MATN2: variants seen among roughly 807,000 people sequenced by gnomAD.
MATN2 encodes the protein matrilin 2.
In MATN2, 69 loss-of-function variants were observed where a neutral mutation model predicts 103.2. The ratio of observed to expected loss-of-function variants is 0.67; its 90% CI spans 0.55 to 0.82. MATN2 has a LOEUF of 0.82. Among genes scored for constraint, MATN2 ranks in the 40% least tolerant of loss-of-function variants. The probability of loss-of-function intolerance (pLI) is 0.00; values close to 1 mark genes in which losing one functional copy is unlikely to be tolerated. For synonymous variants in MATN2, 429 were observed against 450.2 expected (o/e 0.95, Z 0.60); for missense variants, 1,023 against 1,211.5 (o/e 0.84, Z 2.31).
chr8:97,934,522 C>T, intron 3 of MATN2, among the ~76,000 whole-genome samples: 1 of 152,228 alleles, frequency 6.6e-6, no homozygotes, highest in East Asian at 1.9e-4. Flanking sequence ...GTTCCTTAAA[C>T]ATTCATTGAA....
chr8:98,002,278 C>T lies in MATN2; in HGVS notation c.1205-1383C>T, dbSNP rs555717882. On this transcript the variant is annotated intron_variant, in intron 7 of 18. Transcript: ENST00000254898. The stretch of plus-strand genomic sequence containing the variant: ...GTGACCTTACCATAGGACAGAATTG[C>T]AGTAGCCTGGGGCAGCATCAGAGAT... 8.5e-4 allele frequency among the ~76,000 whole-genome samples: 129 copies of T among 152,320 alleles called. 1 individual carries two copies. Among genetic ancestry groups the T allele is most frequent in the Non-Finnish European group, 1.3e-3 (90 of 68,026 alleles).
chr8:97,929,600 T>A (rs1680566126), intron 2 of MATN2, among the ~76,000 whole-genome samples: 1 of 152,206 alleles, frequency 6.6e-6, no homozygotes, highest in Non-Finnish European at 1.5e-5. Flanking sequence ...ACCTTTACAG[T>A]CTTCTTGCTT....
intron 1 of MATN2, among the ~76,000 whole-genome samples, chr8:97,876,925 C>T (rs4360265): frequency 0.36 from 53,811 of 151,312 alleles, 10,829 homozygotes; most frequent in Non-Finnish European, 0.45. Context: ...TTTATTGCTG[C>T]GTAATATCCC....
chr8:97,942,583 G>A (rs191547856), intron 4 of MATN2, among the ~76,000 whole-genome samples: 81 of 152,300 alleles, frequency 5.3e-4, no homozygotes, highest in African/African-American at 1.8e-3. Context: ...AAGCCACTGA[G>A]TTAACCTACA....
chr8:97,990,679 A>C (rs1563711651), intron 6 of MATN2, among the ~76,000 whole-genome samples: 1 of 152,258 alleles, frequency 6.6e-6, no homozygotes, highest in East Asian at 1.9e-4. Flanking sequence ...AATCTGGATG[A>C]ATCTCAAAAT....
At chr8:97,903,340 G>A (rs1188390483) in intron 2 of MATN2, among the ~76,000 whole-genome samples, 1 of 152,160 alleles carries the variant, frequency 6.6e-6, no homozygotes, top group Non-Finnish European at 1.5e-5. Context: ...TTTCTCTGTG[G>A]AGTACCTGAA....
At chr8:97,921,716 G>A (rs1310541600) in intron 2 of MATN2, among the ~76,000 whole-genome samples, 1 of 152,220 alleles carries the variant, frequency 6.6e-6, no homozygotes, top group Non-Finnish European at 1.5e-5. Context: ...CTGTGGACAT[G>A]CCCCTGAGGG....
chr8:97,908,791 G>A (rs1819267302), intron 2 of MATN2, among the ~76,000 whole-genome samples: 1 of 152,046 alleles, frequency 6.6e-6, no homozygotes. Context: ...CACCGTGCCT[G>A]GCTAATTTTG....
chr8:98,013,381 A>G (rs899770008), intron 10 of MATN2, among the ~76,000 whole-genome samples: 1 of 152,216 alleles, frequency 6.6e-6, no homozygotes, highest in Non-Finnish European at 1.5e-5. Context: ...ACATCCACAC[A>G]TCCCATGGGG....
chr8:97,938,718 C>T (rs1810459416), intron 3 of MATN2, among the ~76,000 whole-genome samples: 1 of 152,120 alleles, frequency 6.6e-6, no homozygotes, highest in African/African-American at 2.4e-5. Flanking sequence ...TTTATAAAGT[C>T]ACTGCAAACA....
chr8:97,998,848 A>G (rs1024828603), intron 7 of MATN2, among the ~76,000 whole-genome samples: 1 of 152,180 alleles, frequency 6.6e-6, no homozygotes, highest in Admixed American at 6.5e-5. Flanking sequence ...CAAAATATAT[A>G]TAACATAAAA....
intron 4 of MATN2, among the ~76,000 whole-genome samples, chr8:97,955,451 C>G (rs1811114167): frequency 1.3e-5 from 2 of 152,176 alleles, no homozygotes; most frequent in Admixed American, 1.3e-4. Flanking sequence ...AGTTTCTGTT[C>G]CCATCTTCGA....
At chr8:97,993,071 T>G (rs922403467) in intron 6 of MATN2, among the ~76,000 whole-genome samples, 24 of 152,128 alleles carry the variant, frequency 1.6e-4, no homozygotes, top group African/African-American at 5.6e-4. Context: ...TGAAGCTGGG[T>G]GATATGTACA....
chr8:97,883,647 G>C (rs1818326346), intron 1 of MATN2, among the ~76,000 whole-genome samples: 1 of 151,642 alleles, frequency 6.6e-6, no homozygotes, highest in African/African-American at 2.4e-5. Context: ...CTGCCTCCTG[G>C]GTTTACACCA....
intron 2 of MATN2, among the ~76,000 whole-genome samples, chr8:97,917,563 C>T (rs1809673397): frequency 6.6e-6 from 1 of 151,832 alleles, no homozygotes; most frequent in Non-Finnish European, 1.5e-5. Context: ...AAGACTGCAC[C>T]CGCTCTGGCA....
intron 8 of MATN2, among the ~76,000 whole-genome samples, chr8:98,006,494 G>A (rs79679514): frequency 0.036 from 5,523 of 152,288 alleles, 328 homozygotes; most frequent in African/African-American, 0.12. Flanking sequence ...CAAAGAGGCC[G>A]TGGGACTGCC....
intron 1 of MATN2, among the ~76,000 whole-genome samples, chr8:97,884,862 A>G (rs933080792): frequency 1.3e-5 from 2 of 152,232 alleles, no homozygotes; most frequent in African/African-American, 4.8e-5. Context: ...AGTGCTTTAA[A>G]TATATCTACA....
At chr8:98,014,471 G>C (rs1050948470) in intron 10 of MATN2, among the ~76,000 whole-genome samples, 1 of 152,202 alleles carries the variant, frequency 6.6e-6, no homozygotes, top group Non-Finnish European at 1.5e-5. Flanking sequence ...AGGGCAAACA[G>C]GAGGGTCCAA....
At chr8:97,925,096 C>T (rs966661079) in intron 2 of MATN2, among the ~76,000 whole-genome samples, 2 of 152,000 alleles carry the variant, frequency 1.3e-5, no homozygotes, top group Non-Finnish European at 2.9e-5. Context: ...AGTACAGCCA[C>T]GTGGTGGAAG....
Sources: allele counts gnomAD v4.1 joint callset (sites outside exome capture counted in the v4.1 genomes callset), GRCh38; gene constraint gnomAD v4.1.1; transcripts MANE v1.5; gene names NCBI Gene and HGNC (gene_info 2026-07-23, HGNC 2026-07-21).